KIAA0319L: variants seen among roughly 807,000 people sequenced by gnomAD.
The protein encoded by KIAA0319L is dyslexia-associated protein KIAA0319-like protein.
In KIAA0319L, 55 loss-of-function variants were observed where a neutral mutation model predicts 120.1. The observed-to-expected ratio is 0.46, with a 90% CI of 0.37 to 0.57. The LOEUF is 0.57. Among genes scored for constraint, KIAA0319L ranks in the 20% least tolerant of loss-of-function variants. KIAA0319L has a pLI of 0.00. For missense variants in KIAA0319L, 1,049 were observed against 1,255.3 expected (o/e 0.84, Z 2.48); for synonymous variants, 398 against 471.9 (o/e 0.84, Z 2.03).
chr1:35,458,471 C>A (rs2149102173), intron 9 of KIAA0319L, among the ~76,000 whole-genome samples: 1 of 152,030 alleles, frequency 6.6e-6, no homozygotes, highest in East Asian at 1.9e-4. Flanking sequence ...CTAATCAAAT[C>A]AAATCATATC....
Position 35,554,411 on chromosome 1 carries a change from C to T in KIAA0319L, c.81G>A (p.Trp27Ter), listed in dbSNP as rs1647621448. 1 of 1,613,538 alleles carries T rather than the reference C, an allele frequency of 6.2e-7. No homozygotes were observed. Among genetic ancestry groups the T allele is most frequent in the Admixed American group, 1.7e-5 (1 of 59,820 alleles). ...TATAAAACAGGTACAGGCTTCTCAA[C>T]CACTTCGCAGATGTCTGCCAATAAT... ...SGYYWQTSAKWLRSLYLFYTC... is the reference protein window; with the variant it reads ...SGYYWQTSAK Residue 27 changes from tryptophan to a stop codon, truncating the protein, a stop_gained, in exon 2 of 21, where the codon TGG becomes TGA. Coordinates refer to ENST00000325722, the MANE Select transcript of KIAA0319L (RefSeq NM_024874.5). LOFTEE classifies it high-confidence loss of function.
chr1:35,512,682 A>G (rs942876108), intron 2 of KIAA0319L, among the ~76,000 whole-genome samples: 12 of 152,028 alleles, frequency 7.9e-5, no homozygotes, highest in Non-Finnish European at 1.6e-4. Context: ...CAGCCTGGCC[A>G]ACATGGTGAA....
At chr1:35,478,856 C>CT in intron 4 of KIAA0319L, 110 bp downstream of exon 4, 2 of 1,311,596 alleles carry the variant, frequency 1.5e-6, no homozygotes, top group Non-Finnish European at 2.1e-6. Context: ...TATTTTTTCT[C>CT]TAACACACAG....
intron 19 of KIAA0319L, 121 bp from the exon 20 acceptor site, chr1:35,441,259 T>A: frequency 1.3e-6 from 1 of 763,304 alleles, no homozygotes; most frequent in Non-Finnish European, 2.3e-6. Flanking sequence ...GGGTGTCCTC[T>A]CCTCACTTCT....
intron 3 of KIAA0319L, among the ~76,000 whole-genome samples, chr1:35,502,847 C>G (rs527862795): frequency 6.6e-6 from 1 of 152,236 alleles, no homozygotes; most frequent in African/African-American, 2.4e-5. Flanking sequence ...CCTCGATTTC[C>G]ATACCTCATT....
Position 35,479,195 on chromosome 1 carries a change from T to C in KIAA0319L, c.684A>G (p.Thr228=), listed in dbSNP as rs758164227. Residue 228 remains threonine (T), a synonymous_variant, in exon 4 of 21, where the codon ACA becomes ACG. Transcript: ENST00000325722. The part of the protein sequence containing the change: ...SGSAEVHKAI[T]ISSPLTTDLT... ...GGTCTGTGGTTAGGGGACTGGAAATTGTAATCGCCTTGTGGACCTAAAGAA... is the reference window on the plus strand; with the variant it reads ...GGTCTGTGGTTAGGGGACTGGAAATCGTAATCGCCTTGTGGACCTAAAGAA... 1.9e-5 allele frequency: 31 copies of C among 1,613,578 alleles called. No individual in the cohort carries two copies. Among genetic ancestry groups the C allele is most frequent in the Non-Finnish European group, 2.5e-5 (30 of 1,179,640 alleles).
intron 5 of KIAA0319L, among the ~76,000 whole-genome samples, chr1:35,474,151 G>T (rs1158627223): frequency 6.6e-6 from 1 of 152,122 alleles, no homozygotes; most frequent in Non-Finnish European, 1.5e-5. Flanking sequence ...GTCCTGTGAG[G>T]ATAGGATATA....
chr1:35,462,508 G>T, intron 8 of KIAA0319L, 113 bp downstream of exon 8: 1 of 795,420 alleles, frequency 1.3e-6, no homozygotes, highest in Non-Finnish European at 2.1e-6. Flanking sequence ...TGGTCAAGAT[G>T]ACTGGCCTAA....
intron 2 of KIAA0319L, among the ~76,000 whole-genome samples, chr1:35,531,434 G>T (rs1646364833): frequency 6.6e-6 from 1 of 152,090 alleles, no homozygotes; most frequent in Non-Finnish European, 1.5e-5. Context: ...AGGGGCTATT[G>T]GGCCCCAGGG....
At chr1:35,436,997 C>G (rs1308524161) in intron 20 of KIAA0319L, among the ~76,000 whole-genome samples, 1 of 152,206 alleles carries the variant, frequency 6.6e-6, no homozygotes, top group Non-Finnish European at 1.5e-5. Context: ...ACCCACTGAG[C>G]CCAGAACAAG....
At position 35,444,229 on chromosome 1, in the gene KIAA0319L, A is replaced by G. The variant is rs1264720987; in HGVS notation, c.2588T>C (p.Leu863Pro). ...CTTTTGCTTCCGCAGCTCACTCTTG[A>G]GCATCGCTGCCACCTCATGGCCTTT... ...IFKGHEVAAMLKSELRKQKAD... is the reference protein window; with the variant it reads ...IFKGHEVAAMPKSELRKQKAD... The change falls in exon 17 of 21, where the codon CTC (leucine) becomes CCC (proline). Residue 863 changes from leucine to proline, a missense_variant. Transcript: ENST00000325722. The G allele has an allele frequency of 6.2e-7, 1 of 1,610,192 alleles. No individual in the cohort carries two copies.
chr1:35,436,760 T>C (rs1640821219), intron 20 of KIAA0319L, among the ~76,000 whole-genome samples: 1 of 152,128 alleles, frequency 6.6e-6, no homozygotes, highest in Non-Finnish European at 1.5e-5. Flanking sequence ...ACTTACCAGG[T>C]GGCACTGCTC....
chr1:35,533,659 C>A (rs756549467), intron 2 of KIAA0319L, among the ~76,000 whole-genome samples: 8 of 152,066 alleles, frequency 5.3e-5, no homozygotes, highest in Non-Finnish European at 1.0e-4. Flanking sequence ...AGTAATTGAA[C>A]TATGGCTCTA....
chr1:35,480,703 A>G (rs563627177), intron 3 of KIAA0319L, among the ~76,000 whole-genome samples: 23 of 152,060 alleles, frequency 1.5e-4, no homozygotes, highest in African/African-American at 4.8e-4. Context: ...AATCACTTGA[A>G]CCCGAGAGGA....
At chr1:35,455,426 C>T (rs1240631868) in intron 10 of KIAA0319L, among the ~76,000 whole-genome samples, 2 of 152,082 alleles carry the variant, frequency 1.3e-5, no homozygotes, top group East Asian at 1.9e-4. Flanking sequence ...AGAGAAGATA[C>T]TCACCATCTA....
Position 35,506,672 on chromosome 1 carries a change from C to A in KIAA0319L, c.606G>T (p.Gln202His), listed in dbSNP as rs775859218. Reference sequence around the variant, plus strand: ...CGTTGGAGTCATTCACTTTAGAATGCTGTGTCACTATAGGTGTAACTACGT... The same window carrying A: ...CGTTGGAGTCATTCACTTTAGAATGATGTGTCACTATAGGTGTAACTACGT... ...PSDVVTPIVT[Q>H]HSKVNDSNEL... Residue 202 changes from glutamine to histidine, a missense_variant, in exon 3 of 21, where the codon CAG becomes CAT. Transcript: ENST00000325722. The surrounding 1 kb of genome is among the most constrained non-coding windows in gnomAD (Gnocchi z 4.0). 1.2e-6 allele frequency: 2 copies of A among 1,614,174 alleles called. No homozygotes were observed.
intron 3 of KIAA0319L, among the ~76,000 whole-genome samples, 178 bp from the exon 4 acceptor site, chr1:35,479,390 G>C (rs973706098): frequency 1.3e-5 from 2 of 152,094 alleles, no homozygotes; most frequent in Non-Finnish European, 2.9e-5. Flanking sequence ...GATAAATCTT[G>C]AGTTTTTTTC....
At chr1:35,461,905 G>A (rs1264356445) in intron 8 of KIAA0319L, among the ~76,000 whole-genome samples, 1 of 152,042 alleles carries the variant, frequency 6.6e-6, no homozygotes, top group Admixed American at 6.6e-5. Flanking sequence ...CTAAAGCTGT[G>A]ACTGCCTCTC....
intron 4 of KIAA0319L, among the ~76,000 whole-genome samples, chr1:35,476,427 T>C (rs1340895618): frequency 6.6e-6 from 1 of 152,202 alleles, no homozygotes; most frequent in African/African-American, 2.4e-5. Flanking sequence ...GCTAGTCCAC[T>C]CATATTTCAA....
Sources: gnomAD v4.1 joint callset for allele counts (sites outside exome capture counted in the v4.1 genomes callset) on GRCh38, gnomAD v4.1.1 for gene constraint, Gnocchi (gnomAD v3.1) non-coding constraint, MANE v1.5 for transcripts, NCBI Gene and HGNC (gene_info 2026-07-23, HGNC 2026-07-21) for gene names.